ARID2: variants seen among roughly 807,000 people sequenced by gnomAD.
The protein encoded by ARID2 is AT-rich interaction domain 2.
In ARID2, 32 loss-of-function variants were observed where a neutral mutation model predicts 184.6. That is an observed-to-expected ratio of 0.17 (90% confidence interval 0.13 to 0.23). The LOEUF is 0.23. ARID2 is among the 10% of genes least tolerant of loss of function. ARID2 has a pLI of 1.00. For missense variants in ARID2, 1,696 were observed against 2,197.6 expected (o/e 0.77, Z 4.56); for synonymous variants, 836 against 772.6 (o/e 1.08, Z -1.36).
At chr12:45,734,296 G>T (rs571121196) in intron 3 of ARID2, among the ~76,000 whole-genome samples, 6 of 152,186 alleles carry the variant, frequency 3.9e-5, no homozygotes, top group Non-Finnish European at 7.3e-5. Context: ...TTGAGCCCGG[G>T]AGTCGGAGGT....
chr12:45,732,466 A>G (rs569943381), intron 3 of ARID2, among the ~76,000 whole-genome samples: 24 of 152,306 alleles, frequency 1.6e-4, no homozygotes, highest in African/African-American at 5.3e-4. Flanking sequence ...AAGTCTAGAA[A>G]ATATTAAATA....
At chr12:45,766,546 C>CT (rs1491400067) in intron 3 of ARID2, among the ~76,000 whole-genome samples, 1 of 151,146 alleles carries the variant, frequency 6.6e-6, no homozygotes, top group East Asian at 2.0e-4. Context: ...CAGAATCTTG[C>CT]TCTGTCACCC....
chr12:45,870,693 T>C (rs1449833787), intron 16 of ARID2, among the ~76,000 whole-genome samples: 1 of 152,190 alleles, frequency 6.6e-6, no homozygotes, highest in Non-Finnish European at 1.5e-5. Context: ...GAATGTAATA[T>C]AGTTGGAATT....
At chr12:45,798,752 C>CGTAGTAAATTGTACTACTACTTCAAA (rs1279307860) in intron 3 of ARID2, among the ~76,000 whole-genome samples, 9 of 152,060 alleles carry the variant, frequency 5.9e-5, no homozygotes, top group Non-Finnish European at 1.2e-4. Flanking sequence ...AGCTCTTCAA[C>CGTAGTAAATTGTACTACTACTTCAAA]GTAGTAAATT....
chr12:45,815,010 T>C (rs1942780382), intron 4 of ARID2, among the ~76,000 whole-genome samples: 1 of 152,226 alleles, frequency 6.6e-6, no homozygotes. Flanking sequence ...CTTACTCTAA[T>C]TGAAGATGTC....
chr12:45,778,259 C>G (rs532837923), intron 3 of ARID2, among the ~76,000 whole-genome samples: 123 of 152,050 alleles, frequency 8.1e-4, no homozygotes, highest in African/African-American at 2.8e-3. Context: ...CCCCAACCCG[C>G]AAGAAAATGC....
intron 3 of ARID2, among the ~76,000 whole-genome samples, chr12:45,748,870 G>A (rs1941408381): frequency 6.6e-6 from 1 of 152,014 alleles, no homozygotes; most frequent in African/African-American, 2.4e-5. Flanking sequence ...CAGCAGTTCA[G>A]TCACATCTTC....
intron 15 of ARID2, among the ~76,000 whole-genome samples, chr12:45,858,826 G>A (rs910377115): frequency 3.3e-5 from 5 of 152,062 alleles, no homozygotes; most frequent in African/African-American, 4.8e-5. Context: ...ATATCTCTAC[G>A]GCCCTAAAAT....
At chr12:45,904,912 T>A (rs368188092) in intron 20 of ARID2, 22 bp from the exon 21 acceptor site, 1 of 1,609,650 alleles carries the variant, frequency 6.2e-7, no homozygotes, top group African/African-American at 1.3e-5. Context: ...AGACTGACAA[T>A]CTTCTATATG....
intron 3 of ARID2, among the ~76,000 whole-genome samples, chr12:45,795,685 CT>C (rs1260355667): frequency 6.9e-6 from 1 of 145,062 alleles, no homozygotes; most frequent in African/African-American, 2.5e-5. Flanking sequence ...ATCCGCCCGC[CT>C]TGGCCTCCCA....
intron 15 of ARID2, among the ~76,000 whole-genome samples, chr12:45,853,692 C>G (rs748705909): frequency 5.3e-5 from 8 of 152,200 alleles, no homozygotes; most frequent in Non-Finnish European, 1.2e-4. Flanking sequence ...TTCTTTCACT[C>G]TGTTCTTCCT....
Position 45,851,049 on chromosome 12 carries a change from C to T in ARID2, c.2926C>T (p.Pro976Ser), listed in dbSNP as rs867797938. Reference protein sequence around the residue: ...PNITPSSSPSPVPATNNQVPT... With the variant: ...PNITPSSSPSSVPATNNQVPT... ...CATAACTCCATCTTCTTCACCATCA[C>T]CTGTCCCAGCTACTAATAACCAAGT... is the stretch of plus-strand genomic sequence containing the variant. Residue 976 changes from proline to serine, a missense_variant, in exon 15 of 21, where the codon CCT becomes TCT. By Grantham distance (74) the Pro-to-Ser change is moderately conservative. This residue lies in a region of ARID2 where 713 missense variants were observed against 824.4 expected (regional missense o/e 0.86). Coordinates refer to ENST00000334344, the MANE Select transcript of ARID2 (RefSeq NM_152641.4). The T allele has an allele frequency of 1.9e-6, 3 of 1,614,182 alleles. No homozygotes were observed. The highest frequency in any genetic ancestry group is 2.5e-6 in the Non-Finnish European group (3 of 1,180,030).
In ARID2 at chr12:45,861,023, T is replaced by C. The variant is rs1039458193; in HGVS notation, c.4922+74T>C. 10 of 1,308,726 alleles carry C rather than the reference T, an allele frequency of 7.6e-6. No individual in the cohort carries two copies. In the African/African-American group the frequency reaches 1.1e-4, roughly 14 times the overall value. The allele number at this position is 1,308,726 out of a possible 1,614,324, so 81.1% of individuals were successfully genotyped here. A position where few individuals can be genotyped will look rare whatever the true frequency, so the allele number is the denominator to read the frequency against. ...TGCTTTTATATTTAAGTTTCTGTCA[T>C]CTATAGTTGCATGAAAATTTTCCTT... is the stretch of plus-strand genomic sequence containing the variant. On this transcript the variant is annotated intron_variant, in intron 16 of 20. Transcript: ENST00000334344.
intron 6 of ARID2, among the ~76,000 whole-genome samples, chr12:45,835,083 T>A (rs530530848): frequency 3.0e-4 from 45 of 152,278 alleles, no homozygotes; most frequent in African/African-American, 1.0e-3. Context: ...TTCAAACTTA[T>A]TTACTTGCCC....
At chr12:45,758,761 G>GC (rs1369184664) in intron 3 of ARID2, among the ~76,000 whole-genome samples, 2 of 152,158 alleles carry the variant, frequency 1.3e-5, no homozygotes, top group Non-Finnish European at 2.9e-5. Context: ...CTTCCAGCTA[G>GC]CAGGGCAGAG....
intron 16 of ARID2, among the ~76,000 whole-genome samples, chr12:45,864,031 T>A (rs10161062): frequency 0.085 from 12,873 of 151,830 alleles, 1,859 homozygotes; most frequent in African/African-American, 0.29. Flanking sequence ...AATTTTTGCA[T>A]TTTTTTATAC....
At chr12:45,753,245 A>G (rs564137894) in intron 3 of ARID2, among the ~76,000 whole-genome samples, 20 of 152,186 alleles carry the variant, frequency 1.3e-4, no homozygotes, top group African/African-American at 4.8e-4. Flanking sequence ...GCAGTGAGCT[A>G]AGATTGTGCC....
chr12:45,733,320 G>T lies in ARID2; in HGVS notation c.284+2006G>T, dbSNP rs377254584. On this transcript the variant is annotated intron_variant, in intron 3 of 20. Transcript: ENST00000334344. ...TGCACAGTAAGAGGATATATATGAT[G>T]CTAGCTTTTACACCTTCCTCTGAAA... 1.9e-4 allele frequency among the ~76,000 whole-genome samples: 29 copies of T among 152,256 alleles called. No individual in the cohort carries two copies. The East Asian group carries it at 3.7e-3, about 19-fold the overall frequency.
chr12:45,856,296 T>C (rs1031600359), intron 15 of ARID2, among the ~76,000 whole-genome samples: 1 of 150,828 alleles, frequency 6.6e-6, no homozygotes, highest in Non-Finnish European at 1.5e-5. Context: ...CTCAAGCTCC[T>C]GACCTCGTGA....
Sources: gnomAD v4.1 joint callset for allele counts (sites outside exome capture counted in the v4.1 genomes callset) on GRCh38, gnomAD v4.1.1 for gene constraint, gnomAD v4.1.1 regional missense constraint, MANE v1.5 for transcripts, NCBI Gene and HGNC (gene_info 2026-07-23, HGNC 2026-07-21) for gene names.